The following B3GALNT2 variants were observed in gnomAD, a reference collection of about 807,000 sequenced individuals.
B3GALNT2 encodes beta-1,3-N-acetylgalactosaminyltransferase 2, also known as UDP-GalNAc:beta-1,3-N-acetylgalactosaminyltransferase 2.
A neutral mutation model predicts 61.1 loss-of-function variants in B3GALNT2; 53 were observed. The observed-to-expected ratio is 0.87, with a 90% confidence interval of 0.70 to 1.09. B3GALNT2 has a LOEUF of 1.09. B3GALNT2 is among the 50% of genes least tolerant of loss of function. B3GALNT2 has a pLI of 0.00. For missense variants in B3GALNT2, 544 were observed against 623.0 expected (o/e 0.87, Z 1.35); for synonymous variants, 223 against 237.4 (o/e 0.94, Z 0.56).
chr1:235,466,422 G>A (rs1002095159), intron 6 of B3GALNT2, among the ~76,000 whole-genome samples: 2 of 151,898 alleles, frequency 1.3e-5, no homozygotes, highest in Non-Finnish European at 2.9e-5. Context: ...GAGTGCAGTG[G>A]TGCAATGATA....
intron 2 of B3GALNT2, among the ~76,000 whole-genome samples, chr1:235,494,227 T>C (rs1685208143): frequency 6.6e-6 from 1 of 152,130 alleles, no homozygotes; most frequent in African/African-American, 2.4e-5. Flanking sequence ...TTTTAAGAAT[T>C]GCTATTCTAA....
At chr1:235,498,188 C>T (rs1314238377) in intron 1 of B3GALNT2, among the ~76,000 whole-genome samples, 1 of 152,068 alleles carries the variant, frequency 6.6e-6, no homozygotes, top group Non-Finnish European at 1.5e-5. Context: ...TAATAAAATA[C>T]CTATGTAAGA....
Position 235,448,107 on chromosome 1 carries a change from G to A in B3GALNT2, c.*2099C>T, listed in dbSNP as rs567265483. On this transcript the variant is annotated 3_prime_UTR_variant, in exon 12 of 12. Coordinates refer to ENST00000366600, the MANE Select transcript of B3GALNT2 (RefSeq NM_152490.5). Reference sequence around the variant, plus strand: ...ACCAGCTACTCAGGAGGCTGAGGCAGGAGAATTGTTTGAACCCGGGAAGCG... The same window carrying A: ...ACCAGCTACTCAGGAGGCTGAGGCAAGAGAATTGTTTGAACCCGGGAAGCG... Among the ~76,000 whole-genome samples, 1 of 151,910 alleles carries A rather than the reference G, an allele frequency of 6.6e-6. No homozygotes were observed. The highest frequency in any genetic ancestry group is 6.6e-5 in the Admixed American group (1 of 15,246).
intron 7 of B3GALNT2, among the ~76,000 whole-genome samples, chr1:235,459,186 T>C (rs1347422151): frequency 6.7e-6 from 1 of 148,746 alleles, no homozygotes; most frequent in Non-Finnish European, 1.5e-5. Flanking sequence ...ATTCACATAA[T>C]GAAATATAGC....
At position 235,479,922 on chromosome 1, in the gene B3GALNT2, T is replaced by C. The variant is rs748475056; in HGVS notation, c.651+132A>G. ...GTGCTATGTTTTAGCCCATCCACAG[T>C]TGGTACCTTCATCTATCACTCTGGA... On this transcript the variant is annotated intron_variant, in intron 5 of 11. Transcript: ENST00000366600. 4.2e-6 allele frequency: 6 copies of C among 1,426,292 alleles called. No individual in the cohort carries two copies. In the East Asian group the frequency reaches 7.5e-5, roughly 18 times the overall value. The allele number at this position is 1,426,292 out of a possible 1,614,324, so 88.4% of individuals were successfully genotyped here.
At position 235,455,764 on chromosome 1, in the gene B3GALNT2, T is replaced by C. The variant is rs1004531661; in HGVS notation, c.1026-80A>G. The C allele has an allele frequency of 4.2e-6, 6 of 1,441,606 alleles. No individual in the cohort carries two copies. The African/African-American group carries it at 8.6e-5, about 21-fold the overall frequency. 89.3% of individuals were successfully genotyped at this position (1,441,606 alleles called of 1,614,324 possible). ...TGCAGTGGCGTCACTAACACTTTCA[T>C]TCAAAACTGTACCTGTCATTATCTA... On this transcript the variant is annotated intron_variant, in intron 8 of 11. Transcript: ENST00000366600.
chr1:235,487,162 C>CAAAA (rs79026091), intron 3 of B3GALNT2, among the ~76,000 whole-genome samples: 1 of 127,204 alleles, frequency 7.9e-6, no homozygotes, highest in African/African-American at 2.9e-5. Flanking sequence ...ACTCTGTCTC[C>CAAAA]AAAAAAAAAA....
At chr1:235,500,367 C>T (rs1685531084) in intron 1 of B3GALNT2, among the ~76,000 whole-genome samples, 1 of 152,144 alleles carries the variant, frequency 6.6e-6, no homozygotes, top group African/African-American at 2.4e-5. Flanking sequence ...GTGGCACACA[C>T]ATGTAACAGA....
intron 1 of B3GALNT2, among the ~76,000 whole-genome samples, chr1:235,501,743 C>A (rs1399159026): frequency 6.6e-6 from 1 of 151,100 alleles, no homozygotes; most frequent in Non-Finnish European, 1.5e-5. Context: ...TGAAGACAGA[C>A]AAAGCAGCAG....
chr1:235,440,516 C>T, the B3GALNT2 span, among the ~76,000 whole-genome samples: 1 of 152,092 alleles, frequency 6.6e-6, no homozygotes, highest in Non-Finnish European at 1.5e-5. Context: ...CTTCAGCCTC[C>T]TGAGAAGCTG....
At chr1:235,489,848 A>C (rs1684982122) in intron 2 of B3GALNT2, among the ~76,000 whole-genome samples, 1 of 152,210 alleles carries the variant, frequency 6.6e-6, no homozygotes, top group Admixed American at 6.5e-5. Context: ...TTAAAACTGC[A>C]GCCTGTTTCT....
chr1:235,480,812 A>G (rs1009922928), intron 4 of B3GALNT2, among the ~76,000 whole-genome samples: 7 of 146,532 alleles, frequency 4.8e-5, no homozygotes, highest in Non-Finnish European at 1.0e-4. Context: ...AGGCTGAAGC[A>G]GGAGAATCGC....
At chr1:235,470,740 C>G (rs747709678) in intron 6 of B3GALNT2, 110 bp downstream of exon 6, 23 of 1,449,076 alleles carry the variant, frequency 1.6e-5, no homozygotes, top group Non-Finnish European at 2.1e-5. Flanking sequence ...GTAAAACACA[C>G]AAGAATCATT....
intron 7 of B3GALNT2, among the ~76,000 whole-genome samples, chr1:235,462,520 T>C (rs1267767653): frequency 6.6e-6 from 1 of 152,230 alleles, no homozygotes; most frequent in Non-Finnish European, 1.5e-5. Flanking sequence ...TTCAGCAATG[T>C]TGCAGCACAC....
intron 5 of B3GALNT2, among the ~76,000 whole-genome samples, chr1:235,473,987 T>C (rs1383811725): frequency 6.6e-6 from 1 of 152,220 alleles, no homozygotes; most frequent in Non-Finnish European, 1.5e-5. Context: ...CAATGAATAA[T>C]TGAATGTGTT....
chr1:235,493,732 C>T (rs531153149), intron 2 of B3GALNT2, among the ~76,000 whole-genome samples: 24 of 151,876 alleles, frequency 1.6e-4, no homozygotes, highest in African/African-American at 5.3e-4. Context: ...GAGCCAAGAT[C>T]GTGCCACTGC....
intron 8 of B3GALNT2, 51 bp from the exon 9 acceptor site, chr1:235,455,735 C>T (rs1377032552): frequency 1.9e-6 from 3 of 1,545,616 alleles, no homozygotes; most frequent in Non-Finnish European, 1.8e-6. Context: ...CAAACAAACA[C>T]CAATGCAGTG....
At chr1:235,465,736 T>C in intron 6 of B3GALNT2, 22 bp from the exon 7 acceptor site, 2 of 1,604,376 alleles carry the variant, frequency 1.2e-6, no homozygotes, top group Non-Finnish European at 1.7e-6. Context: ...AAGAATGTAC[T>C]CAGTGATTCA....
intron 8 of B3GALNT2, 140 bp downstream of exon 8, chr1:235,458,463 T>C: frequency 1.9e-6 from 2 of 1,075,082 alleles, no homozygotes; most frequent in Non-Finnish European, 2.5e-6. Flanking sequence ...GGCAGGAGGT[T>C]TGCCTGCACT....
Sources: gnomAD v4.1 joint callset for allele counts (sites outside exome capture counted in the v4.1 genomes callset) on GRCh38, gnomAD v4.1.1 for gene constraint, MANE v1.5 for transcripts, NCBI Gene and HGNC (gene_info 2026-07-23, HGNC 2026-07-21) for gene names.